DTNB: variants seen among roughly 807,000 people sequenced by gnomAD.
The protein encoded by DTNB is DTN-B.
DTNB carries 63 observed loss-of-function variants against 90.7 expected under a neutral mutation model. The observed-to-expected ratio is 0.69, with a 90% CI of 0.57 to 0.86. The LOEUF is 0.86. Among genes scored for constraint, DTNB ranks in the 40% least tolerant of loss-of-function variants. DTNB has a pLI of 0.00. For synonymous variants in DTNB, 277 were observed against 286.7 expected (o/e 0.97, Z 0.34); for missense variants, 744 against 807.1 (o/e 0.92, Z 0.95).
intron 8 of DTNB, among the ~76,000 whole-genome samples, chr2:25,570,687 C>A (rs2059739220): frequency 6.6e-6 from 1 of 152,166 alleles, no homozygotes; most frequent in South Asian, 2.1e-4. Context: ...TTTTCCAGAA[C>A]ACACACTCTC....
At chr2:25,397,100 G>A (rs143927250) in intron 16 of DTNB, among the ~76,000 whole-genome samples, 41 of 147,628 alleles carry the variant, frequency 2.8e-4, no homozygotes, top group African/African-American at 1.0e-3. Context: ...CAGACTGGCA[G>A]CAATTCCATT....
intron 12 of DTNB, among the ~76,000 whole-genome samples, chr2:25,446,746 A>T (rs1002457576): frequency 1.3e-5 from 2 of 151,842 alleles, no homozygotes; most frequent in Non-Finnish European, 2.9e-5. Flanking sequence ...GTATCTGGGG[A>T]CTCATTGCGA....
In DTNB at chr2:25,451,559, C is replaced by A; in HGVS notation, c.1246G>T (p.Ala416Ser). ...ARYAARLAAE[A>S]GNVTRPPTDL... ...CTCCATTAACTTACCACGTTTCCTG[C>A]TTCTGCAGCCAGCCGGGCAGCATAG... The change falls in exon 12 of 21, where the codon GCA (alanine) becomes TCA (serine). Residue 416 changes from alanine to serine, a missense_variant. Coordinates refer to ENST00000406818, the MANE Select transcript of DTNB (RefSeq NM_021907.5). 3.1e-6 allele frequency: 5 copies of A among 1,607,694 alleles called. No homozygotes were observed. Among genetic ancestry groups the A allele is most frequent in the Non-Finnish European group, 4.2e-6 (5 of 1,176,996 alleles).
chr2:25,613,941 C>G (rs575775332), intron 4 of DTNB, among the ~76,000 whole-genome samples: 1 of 152,218 alleles, frequency 6.6e-6, no homozygotes, highest in South Asian at 2.1e-4. Context: ...CTGGGCGACA[C>G]AGCAAGACTC....
At position 25,434,003 on chromosome 2, in the gene DTNB, G is replaced by A. The variant is rs2054816968; in HGVS notation, c.1258-8C>T. 2 of 1,594,438 alleles carry A rather than the reference G, an allele frequency of 1.3e-6. No individual in the cohort carries two copies. The highest frequency in any genetic ancestry group is 8.5e-7 in the Non-Finnish European group (1 of 1,175,676). On this transcript the variant is annotated splice_region_variant and splice_polypyrimidine_tract_variant and intron_variant, in intron 12 of 20. Transcript: ENST00000406818. ...GTCAGTGGGAGGACGAGTCTAAAGT[G>A]GGGAAGTCGGGAGAAAGTTTTTTTT...
intron 16 of DTNB, among the ~76,000 whole-genome samples, chr2:25,395,906 TA>T (rs1317157849): frequency 7.2e-5 from 11 of 152,126 alleles, no homozygotes; most frequent in African/African-American, 2.7e-4. Context: ...ATAGACAAGT[TA>T]AAAAATGTAG....
intron 16 of DTNB, among the ~76,000 whole-genome samples, chr2:25,391,147 C>T (rs1201694844): frequency 2.0e-5 from 3 of 152,014 alleles, no homozygotes; most frequent in Non-Finnish European, 2.9e-5. Context: ...CCACCTGCCT[C>T]GGCCTCCCAA....
At chr2:25,439,087 G>A (rs977753775) in intron 12 of DTNB, among the ~76,000 whole-genome samples, 2 of 152,242 alleles carry the variant, frequency 1.3e-5, no homozygotes, top group Non-Finnish European at 2.9e-5. Context: ...GGATGGAACA[G>A]AAGAAGGACA....
intron 9 of DTNB, among the ~76,000 whole-genome samples, chr2:25,527,452 G>C (rs949559327): frequency 6.6e-6 from 1 of 152,108 alleles, no homozygotes; most frequent in African/African-American, 2.4e-5. Flanking sequence ...GAACCCGGGA[G>C]GGGGAGGTTG....
intron 9 of DTNB, among the ~76,000 whole-genome samples, chr2:25,516,000 G>C (rs971969983): frequency 6.6e-6 from 1 of 152,156 alleles, no homozygotes; most frequent in Non-Finnish European, 1.5e-5. Flanking sequence ...ATATTTTTAA[G>C]TAGGCAAAAT....
chr2:25,414,124 G>T (rs1362735080), intron 16 of DTNB, among the ~76,000 whole-genome samples: 2 of 152,134 alleles, frequency 1.3e-5, no homozygotes, highest in Admixed American at 6.6e-5. Flanking sequence ...TTTTGATGGG[G>T]TTATTTTTTT....
intron 2 of DTNB, among the ~76,000 whole-genome samples, chr2:25,640,669 G>T (rs1479922616): frequency 6.6e-6 from 1 of 152,028 alleles, no homozygotes; most frequent in Non-Finnish European, 1.5e-5. Context: ...CAGTACTTTG[G>T]GGGGCTGAGG....
chr2:25,626,613 T>C (rs1404797805), intron 4 of DTNB, among the ~76,000 whole-genome samples: 1 of 152,190 alleles, frequency 6.6e-6, no homozygotes, highest in Non-Finnish European at 1.5e-5. Flanking sequence ...TAAGTAAATT[T>C]CTTTAATAAT....
chr2:25,536,510 C>G (rs547132685), intron 8 of DTNB, among the ~76,000 whole-genome samples: 2 of 152,128 alleles, frequency 1.3e-5, no homozygotes, highest in Non-Finnish European at 2.9e-5. Flanking sequence ...GAGACCAGCC[C>G]GGTCAACACG....
chr2:25,616,199 T>C (rs1177521471), intron 4 of DTNB, among the ~76,000 whole-genome samples: 1 of 152,192 alleles, frequency 6.6e-6, no homozygotes, highest in Non-Finnish European at 1.5e-5. Flanking sequence ...TCCAGCACAC[T>C]AGCAAGAGAG....
Position 25,590,207 on chromosome 2 carries a change from T to C in DTNB, c.603+5879A>G, listed in dbSNP as rs1348945467. Among the ~76,000 whole-genome samples the C allele has an allele frequency of 2.0e-5, 3 of 152,288 alleles. No homozygotes were observed. The East Asian group carries it at 5.8e-4, about 29-fold the overall frequency. ...GCTCCCCAGAGGGGTACAGCTCTTT[T>C]CTCCTTCTTTCTTCTTCTTGTTGCC... On this transcript the variant is annotated intron_variant, in intron 6 of 20. Transcript: ENST00000406818.
intron 14 of DTNB, among the ~76,000 whole-genome samples, chr2:25,430,300 C>T (rs1299783577): frequency 6.6e-6 from 1 of 152,036 alleles, no homozygotes; most frequent in African/African-American, 2.4e-5. Context: ...GACTCATTGT[C>T]TTCTAGTCTT....
intron 6 of DTNB, among the ~76,000 whole-genome samples, chr2:25,587,288 G>C (rs1290610786): frequency 6.6e-6 from 1 of 152,158 alleles, no homozygotes; most frequent in Non-Finnish European, 1.5e-5. Context: ...TGATTAAAAG[G>C]AATAATAAAA....
intron 2 of DTNB, among the ~76,000 whole-genome samples, chr2:25,644,514 G>C (rs2079026028): frequency 6.6e-6 from 1 of 152,162 alleles, no homozygotes; most frequent in Non-Finnish European, 1.5e-5. Context: ...CCAGCACTTT[G>C]GGAGCCCAAG....
Sources: gnomAD v4.1 joint callset for allele counts (sites outside exome capture counted in the v4.1 genomes callset) on GRCh38, gnomAD v4.1.1 for gene constraint, MANE v1.5 for transcripts, NCBI Gene and HGNC (gene_info 2026-07-23, HGNC 2026-07-21) for gene names.